GLI3: variants seen among roughly 807,000 people sequenced by gnomAD.
GLI3 encodes GLI family zinc finger 3.
Under a neutral mutation model 100.8 loss-of-function variants are expected in GLI3, and 20 were observed. The observed-to-expected ratio is 0.20, with a 90% CI of 0.14 to 0.29. The LOEUF is 0.29. GLI3 is among the 10% of genes least tolerant of loss of function. The pLI, the probability that GLI3 is intolerant of heterozygous loss-of-function variation, is 1.00. For missense variants in GLI3, 2,040 were observed against 2,128.5 expected (o/e 0.96, Z 0.82); for synonymous variants, 938 against 860.5 (o/e 1.09, Z -1.58).
At chr7:42,199,815 C>T (rs958560190) in intron 2 of GLI3, among the ~76,000 whole-genome samples, 4 of 152,020 alleles carry the variant, frequency 2.6e-5, no homozygotes, top group African/African-American at 9.7e-5. Context: ...CAGCACTTTG[C>T]GAGGTCGAGG....
At chr7:42,196,628 T>C (rs1418710164) in intron 2 of GLI3, among the ~76,000 whole-genome samples, 1 of 152,228 alleles carries the variant, frequency 6.6e-6, no homozygotes, top group Non-Finnish European at 1.5e-5. Flanking sequence ...TTTATCTTAG[T>C]TCCACCTTAT....
intron 3 of GLI3, chr7:42,113,610 G>T: frequency 2.0e-6 from 2 of 992,676 alleles, no homozygotes; most frequent in Non-Finnish European, 3.2e-6. Context: ...GAAGGTGCTG[G>T]AGATGCCAAG....
chr7:42,238,642 TC>T (rs921115758), upstream of GLI3, among the ~76,000 whole-genome samples: 36 of 152,370 alleles, frequency 2.4e-4, no homozygotes, highest in African/African-American at 8.7e-4. Context: ...TGCTTCATTT[TC>T]AGAGGCCCAT....
Position 42,159,048 on chromosome 7 carries a change from A to T in GLI3, c.125-10580T>A, listed in dbSNP as rs75191336. ...ACACCTCTCATGCTGTGGCTAAATT[A>T]TCTTCTTGTCACCCTATTTCTCCCC... On this transcript the variant is annotated intron_variant, in intron 2 of 14. Coordinates refer to ENST00000395925, the MANE Select transcript of GLI3 (RefSeq NM_000168.6). Among the ~76,000 whole-genome samples the T allele has an allele frequency of 2.2e-3, 328 of 152,282 alleles. 3 individuals are homozygous for T. In the East Asian group the frequency reaches 0.055, roughly 26 times the overall value.
Position 42,086,518 on chromosome 7 carries a change from C to T in GLI3, c.368-9661G>A, listed in dbSNP as rs1785104543. On this transcript the variant is annotated intron_variant, in intron 3 of 14. Coordinates refer to ENST00000395925, the MANE Select transcript of GLI3 (RefSeq NM_000168.6). Reference sequence around the variant, plus strand: ...CCTCCCCACTCCAGCCCAAGCTCTTCACCATGAGTTTGAGGCCCCAGCCAC... The same window carrying T: ...CCTCCCCACTCCAGCCCAAGCTCTTTACCATGAGTTTGAGGCCCCAGCCAC... Among the ~76,000 whole-genome samples, 3 of 152,156 alleles carry T rather than the reference C, an allele frequency of 2.0e-5. No homozygotes were observed. In the South Asian group the frequency reaches 6.2e-4, roughly 32 times the overall value.
intron 1 of GLI3, among the ~76,000 whole-genome samples, chr7:42,246,377 C>T (rs1424665789): frequency 6.6e-6 from 1 of 152,138 alleles, no homozygotes; most frequent in Non-Finnish European, 1.5e-5. Flanking sequence ...GCTTTTCAAT[C>T]TTCCCAGTTT....
At chr7:42,202,182 AT>A (rs1330510125) in intron 2 of GLI3, among the ~76,000 whole-genome samples, 2 of 151,912 alleles carry the variant, frequency 1.3e-5, no homozygotes, top group South Asian at 2.1e-4. Flanking sequence ...TCATGAATGC[AT>A]TTTTTTAAAA....
chr7:42,123,152 C>T (rs910249735), intron 3 of GLI3, among the ~76,000 whole-genome samples: 3 of 152,202 alleles, frequency 2.0e-5, no homozygotes, highest in African/African-American at 7.2e-5. Flanking sequence ...ACATCTTCCA[C>T]TTTGATGGGA....
intron 3 of GLI3, among the ~76,000 whole-genome samples, chr7:42,086,308 G>C (rs1785100642): frequency 6.6e-6 from 1 of 152,138 alleles, no homozygotes; most frequent in South Asian, 2.1e-4. Context: ...GACAGTAGTA[G>C]AGCTGTGTGT....
intron 3 of GLI3, among the ~76,000 whole-genome samples, chr7:42,082,858 A>C (rs1785025980): frequency 6.6e-6 from 1 of 152,130 alleles, no homozygotes; most frequent in Non-Finnish European, 1.5e-5. Flanking sequence ...ACTGCAAACT[A>C]TCACATGTGG....
At chr7:42,016,190 G>T (rs1349192301) in intron 10 of GLI3, among the ~76,000 whole-genome samples, 1 of 152,152 alleles carries the variant, frequency 6.6e-6, no homozygotes, top group Non-Finnish European at 1.5e-5. Flanking sequence ...AACCACCGAA[G>T]AAAATTTCCA....
chr7:42,121,734 C>G (rs1260823296), intron 3 of GLI3, among the ~76,000 whole-genome samples: 1 of 152,190 alleles, frequency 6.6e-6, no homozygotes, highest in Admixed American at 6.5e-5. Flanking sequence ...CCTCCTCCCC[C>G]TCCATCAGGA....
intron 6 of GLI3, among the ~76,000 whole-genome samples, chr7:42,042,577 T>A (rs1784167928): frequency 6.6e-6 from 1 of 152,216 alleles, no homozygotes; most frequent in African/African-American, 2.4e-5. Flanking sequence ...AGACAGGACG[T>A]GGATATATCC....
chr7:42,023,928 A>AAAAC (rs1562690520), intron 9 of GLI3, among the ~76,000 whole-genome samples: 1 of 152,212 alleles, frequency 6.6e-6, no homozygotes, highest in Admixed American at 6.5e-5. Context: ...AACAAAACGT[A>AAAAC]AAACAAACAA....
intron 1 of GLI3, among the ~76,000 whole-genome samples, chr7:42,226,204 A>G (rs116703571): frequency 6.6e-6 from 1 of 152,324 alleles, no homozygotes; most frequent in African/African-American, 2.4e-5. Flanking sequence ...GCTGTATTTG[A>G]GTAGAGTCTA....
In GLI3 at chr7:42,018,105, C is replaced by T. The variant is rs79323553; in HGVS notation, c.1497+5363G>A. 4.5e-3 allele frequency among the ~76,000 whole-genome samples: 681 copies of T among 152,292 alleles called. 5 individuals are homozygous for T. The highest frequency in any genetic ancestry group is 0.016 in the African/African-American group (647 of 41,568). ...CGGTGGACCACACAGCCCTCACACACCCTCGCAATCAATCTGATCTCCTGA... is the reference window on the plus strand; with the variant it reads ...CGGTGGACCACACAGCCCTCACACATCCTCGCAATCAATCTGATCTCCTGA... On this transcript the variant is annotated intron_variant, in intron 10 of 14. Coordinates refer to ENST00000395925, the MANE Select transcript of GLI3 (RefSeq NM_000168.6).
At chr7:42,182,666 A>ATATATATATATACGTGTGTG (rs1787630669) in intron 2 of GLI3, among the ~76,000 whole-genome samples, 1 of 79,162 alleles carries the variant, frequency 1.3e-5, no homozygotes, top group African/African-American at 5.6e-5. Context: ...ATATATATAT[A>ATATATATATATACGTGTGTG]TATATATATA....
At chr7:42,080,377 T>G (rs1028674414) in intron 3 of GLI3, among the ~76,000 whole-genome samples, 2 of 152,240 alleles carry the variant, frequency 1.3e-5, no homozygotes, top group Admixed American at 6.5e-5. Flanking sequence ...GAATTCTGCA[T>G]TCGAGAATTA....
intron 2 of GLI3, among the ~76,000 whole-genome samples, chr7:42,154,101 A>G (rs1490007764): frequency 3.9e-5 from 6 of 152,130 alleles, no homozygotes; most frequent in Admixed American, 6.5e-5. Flanking sequence ...AGAAAAAAAA[A>G]AAAAGAAAAG....
Sources: allele counts gnomAD v4.1 joint callset (sites outside exome capture counted in the v4.1 genomes callset), GRCh38; gene constraint gnomAD v4.1.1; transcripts MANE v1.5; gene names NCBI Gene and HGNC (gene_info 2026-07-23, HGNC 2026-07-21).